The following TMEM132D variants were observed in gnomAD, a reference collection of about 807,000 sequenced individuals.
TMEM132D encodes mature OL transmembrane protein.
TMEM132D carries 21 observed loss-of-function variants against 62.3 expected under a neutral mutation model. The observed-to-expected ratio is 0.34, with a 90% CI of 0.24 to 0.49. The LOEUF is 0.49. Ranked by LOEUF, TMEM132D falls within the 20% of genes least tolerant of loss-of-function variation. TMEM132D has a pLI of 0.99. For missense variants in TMEM132D, 1,346 were observed against 1,402.8 expected (o/e 0.96, Z 0.65); for synonymous variants, 621 against 575.6 (o/e 1.08, Z -1.13).
At chr12:129,447,445 A>G (rs1873131565) in intron 3 of TMEM132D, among the ~76,000 whole-genome samples, 1 of 152,196 alleles carries the variant, frequency 6.6e-6, no homozygotes, top group Admixed American at 6.5e-5. Context: ...ACCAATAAGA[A>G]AATAAAGTGA....
At chr12:129,202,569 T>A (rs960656629) in intron 5 of TMEM132D, among the ~76,000 whole-genome samples, 5 of 152,092 alleles carry the variant, frequency 3.3e-5, no homozygotes, top group Admixed American at 1.3e-4. Flanking sequence ...TTCTCAAGAG[T>A]TCCTGCCCAA....
chr12:129,589,531 G>C (rs540868036), intron 2 of TMEM132D, among the ~76,000 whole-genome samples: 1 of 152,290 alleles, frequency 6.6e-6, no homozygotes, highest in East Asian at 1.9e-4. Context: ...ACTTCCAGCT[G>C]TCCTTCTTGC....
intron 1 of TMEM132D, among the ~76,000 whole-genome samples, chr12:129,767,763 C>T (rs1441814101): frequency 6.6e-6 from 1 of 152,220 alleles, no homozygotes; most frequent in African/African-American, 2.4e-5. Flanking sequence ...TTGCTCCCAC[C>T]TCTTGGCTAT....
chr12:129,238,699 A>T (rs935619953), intron 4 of TMEM132D, among the ~76,000 whole-genome samples: 2 of 152,374 alleles, frequency 1.3e-5, no homozygotes, highest in South Asian at 2.1e-4. Context: ...CTCTATGTAT[A>T]GATCACATAT....
chr12:129,884,453 G>T (rs1874692912), intron 1 of TMEM132D, among the ~76,000 whole-genome samples: 1 of 152,082 alleles, frequency 6.6e-6, no homozygotes, highest in African/African-American at 2.4e-5. Flanking sequence ...ATATCAAAAG[G>T]ATTTGAACAG....
intron 2 of TMEM132D, among the ~76,000 whole-genome samples, chr12:129,610,766 C>A (rs575383962): frequency 1.3e-5 from 2 of 152,202 alleles, no homozygotes; most frequent in South Asian, 4.1e-4. Flanking sequence ...TAGAAGGCTG[C>A]TCTCTTCTTC....
At chr12:129,503,102 T>G (rs1875206874) in intron 3 of TMEM132D, among the ~76,000 whole-genome samples, 1 of 152,198 alleles carries the variant, frequency 6.6e-6, no homozygotes. Context: ...TCATAGATGC[T>G]CAGTACTGCA....
rs2135605705 is a variant in TMEM132D, at chr12:129,075,038, C to A, written c.2137G>T (p.Val713Phe). 1 of 1,607,396 alleles carries A rather than the reference C, an allele frequency of 6.2e-7. No individual in the cohort carries two copies. Among genetic ancestry groups the A allele is most frequent in the Non-Finnish European group, 8.5e-7 (1 of 1,177,974 alleles). The change falls in exon 9 of 9, where the codon GTC (valine) becomes TTC (phenylalanine). Residue 713 changes from valine to phenylalanine, a missense_variant. Coordinates refer to ENST00000422113, the MANE Select transcript of TMEM132D (RefSeq NM_133448.3). ...PKQEAAISCW[V>F]QFSDGSVTPL... ...GTGACTGAGCCATCACTGAACTGGACCCAGCAACTGATGGCTGCTTCCTAT... is the reference window on the plus strand; with the variant it reads ...GTGACTGAGCCATCACTGAACTGGAACCAGCAACTGATGGCTGCTTCCTAT...
Position 129,859,979 on chromosome 12 carries a change from CCT to C in TMEM132D, c.79+43280_79+43281del, listed in dbSNP as rs532139615. Among the ~76,000 whole-genome samples, 475 of 152,282 alleles carry C rather than the reference CCT, an allele frequency of 3.1e-3. 1 individual carries two copies. Among genetic ancestry groups the C allele is most frequent in the South Asian group, 0.017 (81 of 4,824 alleles). On this transcript the variant is annotated intron_variant, in intron 1 of 8. Transcript: ENST00000422113. ...AACTCCCTTTCATGTATACATCTCCCCTGTTAGTTCTGTCCCTCTGGAGAACC... is the reference window on the plus strand; with the variant it reads ...AACTCCCTTTCATGTATACATCTCCCGTTAGTTCTGTCCCTCTGGAGAACC...
At chr12:129,423,765 C>T (rs554921941) in intron 3 of TMEM132D, among the ~76,000 whole-genome samples, 1 of 152,234 alleles carries the variant, frequency 6.6e-6, no homozygotes, top group African/African-American at 2.4e-5. Context: ...CCCATTGACT[C>T]GGACTAGAAA....
intron 2 of TMEM132D, among the ~76,000 whole-genome samples, chr12:129,589,367 T>C (rs1419782089): frequency 2.0e-5 from 3 of 152,124 alleles, no homozygotes; most frequent in Non-Finnish European, 4.4e-5. Context: ...GAACTGTGGG[T>C]CCATTAAACC....
At chr12:129,800,913 G>A (rs1024218719) in intron 1 of TMEM132D, among the ~76,000 whole-genome samples, 1 of 152,236 alleles carries the variant, frequency 6.6e-6, no homozygotes, top group Non-Finnish European at 1.5e-5. Context: ...GAAGCACAAG[G>A]GGTCAGGGAG....
chr12:129,903,124 C>T lies in TMEM132D; in HGVS notation c.79+137G>A. 7 of 912,530 alleles carry T rather than the reference C, an allele frequency of 7.7e-6. No individual in the cohort carries two copies. The highest frequency in any genetic ancestry group is 1.2e-5 in the Non-Finnish European group (7 of 600,896). 56.5% of individuals were successfully genotyped at this position (912,530 alleles called of 1,614,324 possible). On this transcript the variant is annotated intron_variant, in intron 1 of 8. Transcript: ENST00000422113. This position sits in a 1 kb window ranked among gnomAD's most constrained non-coding sequence, Gnocchi z 6.2. ...ACGAGCGCACGTTCACACGCGCGCA[C>T]ACACACATGCACACAAGCGCGCACA...
At chr12:129,632,795 C>A (rs1879381477) in intron 2 of TMEM132D, among the ~76,000 whole-genome samples, 1 of 152,238 alleles carries the variant, frequency 6.6e-6, no homozygotes, top group Non-Finnish European at 1.5e-5. Flanking sequence ...GTATGGACCC[C>A]AAGCTGCCTT....
chr12:129,807,712 G>A (rs1872038301), intron 1 of TMEM132D, among the ~76,000 whole-genome samples: 1 of 152,200 alleles, frequency 6.6e-6, no homozygotes. Flanking sequence ...GCAGGCTGGA[G>A]CAATTCTGAT....
intron 1 of TMEM132D, among the ~76,000 whole-genome samples, chr12:129,810,086 TACCA>T (rs998207991): frequency 6.6e-6 from 1 of 152,152 alleles, no homozygotes; most frequent in Non-Finnish European, 1.5e-5. Context: ...CAGCGTAATC[TACCA>T]AAAACCCACA....
At chr12:129,654,735 G>A (rs1315811765) in intron 2 of TMEM132D, among the ~76,000 whole-genome samples, 2 of 152,078 alleles carry the variant, frequency 1.3e-5, no homozygotes, top group Admixed American at 6.5e-5. Flanking sequence ...CTGTTCTCTG[G>A]TCTATTTAGG....
intron 1 of TMEM132D, among the ~76,000 whole-genome samples, chr12:129,821,083 T>C (rs1357138941): frequency 2.0e-5 from 3 of 152,234 alleles, no homozygotes; most frequent in Non-Finnish European, 4.4e-5. Flanking sequence ...ATTAGCCATT[T>C]TAAAGCAACA....
chr12:129,096,685 G>A (rs1038308552), intron 5 of TMEM132D, among the ~76,000 whole-genome samples: 6 of 152,200 alleles, frequency 3.9e-5, no homozygotes, highest in African/African-American at 1.2e-4. Context: ...CTCTTTCCCC[G>A]TCAGCCACAG....
Sources: gnomAD v4.1 joint callset for allele counts (sites outside exome capture counted in the v4.1 genomes callset) on GRCh38, gnomAD v4.1.1 for gene constraint, Gnocchi (gnomAD v3.1) non-coding constraint, MANE v1.5 for transcripts, NCBI Gene and HGNC (gene_info 2026-07-23, HGNC 2026-07-21) for gene names.